Variants in IP6K2 observed in about 807,000 individuals in gnomAD.
IP6K2 encodes the protein ATP:1D-myo-inositol-hexakisphosphate phosphotransferase.
In IP6K2, 9 loss-of-function variants were observed where a neutral mutation model predicts 43.3. That is an observed-to-expected ratio of 0.21 (90% confidence interval 0.13 to 0.36). IP6K2 has a LOEUF of 0.36. IP6K2 is among the 10% of genes least tolerant of loss of function. The pLI, the probability that IP6K2 is intolerant of heterozygous loss-of-function variation, is 1.00. For synonymous variants in IP6K2, 209 were observed against 202.4 expected, an observed-to-expected ratio of 1.03 and a Z score of -0.28; for missense variants, 332 against 538.4, an observed-to-expected ratio of 0.62 and a Z score of 3.79.
chr3:48,693,080 T>G lies in IP6K2; in HGVS notation c.302A>C (p.Asn101Thr), dbSNP rs2106801745. 1 of 1,614,204 alleles carries G rather than the reference T, an allele frequency of 6.2e-7. No homozygotes were observed. Among genetic ancestry groups the G allele is most frequent in the South Asian group, 1.1e-5 (1 of 91,086 alleles). Residue 101 changes from asparagine (N) to threonine (T), a missense_variant, in exon 3 of 6, where the codon AAT (asparagine) becomes ACT (threonine). Physicochemically the swap from Asn to Thr is moderately conservative, Grantham distance 65. Transcript: ENST00000328631. ...GDHGIVDIVD[N>T]SDCEPKSKLL... is the part of the protein sequence containing the mutation. ...CTTACTTTTTGGTTCACAGTCTGAATTATCTACAATGTCCACAATTCCATG... is the reference window on the plus strand; with the variant it reads ...CTTACTTTTTGGTTCACAGTCTGAAGTATCTACAATGTCCACAATTCCATG...
In IP6K2 at chr3:48,694,382, G is replaced by C; in HGVS notation, c.202+708C>G. ...AGACAATGTTTCAACAGTCCCAAAA[G>C]AACCTAAGTTGTTCTAGAGTCCTTT... On this transcript the variant is annotated intron_variant, in intron 2 of 5. Transcript: ENST00000328631. 6 of 1,543,996 alleles carry C rather than the reference G, an allele frequency of 3.9e-6. No homozygotes were observed. In the East Asian group the frequency reaches 1.5e-4, roughly 38 times the overall value.
In IP6K2 at chr3:48,693,109, C is replaced by T. The variant is rs1482607034; in HGVS notation, c.273G>A (p.Gly91=). Residue 91 remains glycine (G), a synonymous_variant, in exon 3 of 6, where the codon GGG becomes GGA. Coordinates refer to ENST00000328631, the MANE Select transcript of IP6K2 (RefSeq NM_016291.4). ...NLCLIAYPLK[G]DHGIVDIVDN... ...CTACAATGTCCACAATTCCATGGTC[C>T]CCTTTCAATGGATATGCTATTAGAC... The T allele has an allele frequency of 1.2e-6, 2 of 1,614,156 alleles. No individual in the cohort carries two copies. The highest frequency in any genetic ancestry group is 4.5e-5 in the East Asian group (2 of 44,886).
At chr3:48,707,754 G>T (rs2079984716) in intron 1 of IP6K2, among the ~76,000 whole-genome samples, 1 of 152,110 alleles carries the variant, frequency 6.6e-6, no homozygotes, top group African/African-American at 2.4e-5. Flanking sequence ...TGGTTTTAAT[G>T]AAGAAACCAC....
intron 1 of IP6K2, among the ~76,000 whole-genome samples, chr3:48,705,789 G>C (rs113971170): frequency 6.6e-5 from 10 of 150,580 alleles, no homozygotes; most frequent in South Asian, 2.1e-4. Context: ...GATCGATTGA[G>C]CCCAGGAGTT....
chr3:48,707,010 T>C (rs2079871117), intron 1 of IP6K2, among the ~76,000 whole-genome samples: 2 of 152,242 alleles, frequency 1.3e-5, no homozygotes, highest in Admixed American at 1.3e-4. Flanking sequence ...ATGGCATTTA[T>C]AATTACATGT....
intron 2 of IP6K2, chr3:48,694,574 G>C: frequency 6.6e-7 from 1 of 1,524,936 alleles, no homozygotes; most frequent in South Asian, 1.3e-5. Context: ...TATGTGAATC[G>C]AAGGGTTGCT....
In IP6K2 at chr3:48,702,927, A is replaced by G. The variant is rs574207169; in HGVS notation, c.-130-7506T>C. ...GAATACCTAACGCATACAGATCAGC[A>G]GAGAACTCATAAGGCACCCACTGCA... On this transcript the variant is annotated intron_variant, in intron 1 of 5. Coordinates refer to ENST00000328631, the MANE Select transcript of IP6K2 (RefSeq NM_016291.4). Among the ~76,000 whole-genome samples the G allele has an allele frequency of 2.0e-5, 3 of 152,354 alleles. No individual in the cohort carries two copies. The East Asian group carries it at 5.8e-4, about 29-fold the overall frequency.
chr3:48,689,499 G>A (rs777489870), intron 5 of IP6K2, 39 bp downstream of exon 5: 2 of 1,579,834 alleles, frequency 1.3e-6, no homozygotes, highest in Admixed American at 1.7e-5. Context: ...GGAAGTGACA[G>A]CCACTGGATG....
At position 48,694,427 on chromosome 3, in the gene IP6K2, AT is replaced by A. The variant is rs747615174; in HGVS notation, c.202+662del. The A allele has an allele frequency of 1.1e-5, 17 of 1,548,372 alleles. No homozygotes were observed. In the East Asian group the frequency reaches 2.7e-4, roughly 25 times the overall value. Reference sequence around the variant, plus strand: ...TCCTTTATGTAACCAGGTAATGCACATTTAAAATTAATTTCTTTAATGGATT... The same window carrying A: ...TCCTTTATGTAACCAGGTAATGCACATTAAAATTAATTTCTTTAATGGATT... On this transcript the variant is annotated intron_variant, in intron 2 of 5. Coordinates refer to ENST00000328631, the MANE Select transcript of IP6K2 (RefSeq NM_016291.4).
At chr3:48,707,674 G>A (rs2079968831) in intron 1 of IP6K2, among the ~76,000 whole-genome samples, 1 of 152,144 alleles carries the variant, frequency 6.6e-6, no homozygotes, top group Non-Finnish European at 1.5e-5. Context: ...CCAGCCTCAG[G>A]TGATCCGCCC....
Position 48,695,333 on chromosome 3 carries a change from G to A in IP6K2, c.-42C>T. ...GCGGGGAGATGGGGGAGGCAGCGGAGTCCAGCGGCCAGTACGTCTTCTGTC... is the reference window on the plus strand; with the variant it reads ...GCGGGGAGATGGGGGAGGCAGCGGAATCCAGCGGCCAGTACGTCTTCTGTC... On this transcript the variant is annotated 5_prime_UTR_variant, in exon 2 of 6. Transcript: ENST00000328631. This position sits in a 1 kb window ranked among gnomAD's most constrained non-coding sequence, Gnocchi z 4.6. 3 of 1,585,262 alleles carry A rather than the reference G, an allele frequency of 1.9e-6. No homozygotes were observed. The highest frequency in any genetic ancestry group is 2.6e-6 in the Non-Finnish European group (3 of 1,165,074).
rs556509342 is a variant in IP6K2 at position 48,689,497 on chromosome 3, C to A, written c.780+41G>T. 1.3e-4 allele frequency: 208 copies of A among 1,578,092 alleles called. 1 individual carries two copies. In the South Asian group the frequency reaches 2.3e-3, roughly 18 times the overall value. ...GGACTATACCAGGGTGGGGAAGTGA[C>A]AGCCACTGGATGCCCTAGCCAGCCC... On this transcript the variant is annotated intron_variant, in intron 5 of 5. Coordinates refer to ENST00000328631, the MANE Select transcript of IP6K2 (RefSeq NM_016291.4).
intron 1 of IP6K2, among the ~76,000 whole-genome samples, chr3:48,700,860 C>T (rs1163413599): frequency 6.6e-6 from 1 of 152,130 alleles, no homozygotes; most frequent in East Asian, 1.9e-4. Flanking sequence ...GGAAAAACAA[C>T]CCTTACCACC....
At chr3:48,701,830 G>A (rs1045982868) in intron 1 of IP6K2, among the ~76,000 whole-genome samples, 6 of 152,138 alleles carry the variant, frequency 3.9e-5, no homozygotes, top group Middle Eastern at 3.4e-3. Flanking sequence ...CACGGGAGGC[G>A]GAGGTTGCAG....
intron 2 of IP6K2, chr3:48,693,986 C>G: frequency 1.5e-6 from 2 of 1,372,704 alleles, no homozygotes; most frequent in Non-Finnish European, 1.9e-6. Context: ...CGACGAGCGC[C>G]TTACAAACGA....
At chr3:48,693,518 C>G in intron 2 of IP6K2, 7 of 1,237,930 alleles carry the variant, frequency 5.7e-6, no homozygotes, top group Non-Finnish European at 7.1e-6. Flanking sequence ...GAAAACATTG[C>G]TCTTTATAGT....
At chr3:48,692,788 A>G (rs1312933810) in intron 3 of IP6K2, among the ~76,000 whole-genome samples, 166 bp downstream of exon 3, 1 of 152,260 alleles carries the variant, frequency 6.6e-6, no homozygotes, top group Non-Finnish European at 1.5e-5. Context: ...AACCAGAGTC[A>G]ATTAAACAAA....
intron 2 of IP6K2, chr3:48,694,671 C>A: frequency 6.6e-7 from 1 of 1,505,130 alleles, no homozygotes; most frequent in Non-Finnish European, 8.8e-7. Flanking sequence ...TTCCATCTGA[C>A]TCAACGCTGC....
In IP6K2 at chr3:48,688,094, A is replaced by C. The variant is rs2077495323; in HGVS notation, c.*179T>G. 1.5e-6 allele frequency: 1 copy of C among 647,772 alleles called. No individual in the cohort carries two copies. Among genetic ancestry groups the C allele is most frequent in the Admixed American group, 2.6e-5 (1 of 38,738 alleles). The allele number at this position is 647,772 out of a possible 1,614,324, so 40.1% of individuals were successfully genotyped here. ...ATGTGGAATGTTGAAGAAATAGTTAAAATAAATAAAGACTCCAAGCACAGC... is the reference window on the plus strand; with the variant it reads ...ATGTGGAATGTTGAAGAAATAGTTACAATAAATAAAGACTCCAAGCACAGC... On this transcript the variant is annotated 3_prime_UTR_variant, in exon 6 of 6. Coordinates refer to ENST00000328631, the MANE Select transcript of IP6K2 (RefSeq NM_016291.4). The surrounding 1 kb of genome is among the most constrained non-coding windows in gnomAD (Gnocchi z 5.1).
Sources: allele counts gnomAD v4.1 joint callset (sites outside exome capture counted in the v4.1 genomes callset), GRCh38; gene constraint gnomAD v4.1.1; non-coding constraint Gnocchi (gnomAD v3.1); transcripts MANE v1.5; gene names NCBI Gene and HGNC (gene_info 2026-07-23, HGNC 2026-07-21).